ADAM19: variants seen among roughly 807,000 people sequenced by gnomAD.
ADAM19 encodes disintegrin and metalloproteinase domain-containing protein 19.
A neutral mutation model predicts 114.7 loss-of-function variants in ADAM19; 65 were observed. The ratio of observed to expected loss-of-function variants is 0.57; its 90% CI spans 0.46 to 0.70. The LOEUF (loss-of-function observed/expected upper bound fraction) is 0.70, where lower values mean the gene tolerates loss of function less well. Ranked by LOEUF, ADAM19 falls within the 30% of genes least tolerant of loss-of-function variation. ADAM19 has a pLI of 0.00. For missense variants in ADAM19, 1,063 were observed against 1,204.7 expected (o/e 0.88, Z 1.74); for synonymous variants, 466 against 460.5 (o/e 1.01, Z -0.15).
chr5:157,477,485 G>T lies in ADAM19; in HGVS notation c.*3464C>A, dbSNP rs1381546746. On this transcript the variant is annotated 3_prime_UTR_variant, in exon 23 of 23. Coordinates refer to ENST00000257527, the MANE Select transcript of ADAM19 (RefSeq NM_033274.5). ...CCCAAATAAAAAGAAAATTCACATT[G>T]CCCTGGATCCCAGACACATACAAAC... 1 of 1,062,306 alleles carries T rather than the reference G, an allele frequency of 9.4e-7. No homozygotes were observed. Among genetic ancestry groups the T allele is most frequent in the Non-Finnish European group, 1.1e-6 (1 of 870,970 alleles). 65.8% of individuals were successfully genotyped at this position (1,062,306 alleles called of 1,614,324 possible). A position where few individuals can be genotyped will look rare whatever the true frequency, so the allele number is the denominator to read the frequency against.
chr5:157,572,384 A>C, intron 1 of ADAM19: 1 of 406,734 alleles, frequency 2.5e-6, no homozygotes, highest in South Asian at 1.7e-5. Flanking sequence ...ACAAAATGGT[A>C]ATTTCCCGAC....
intron 4 of ADAM19, among the ~76,000 whole-genome samples, chr5:157,534,329 G>A (rs140616573): frequency 0.04 from 6,093 of 152,156 alleles, 166 homozygotes; most frequent in Non-Finnish European, 0.063. Flanking sequence ...TTAGCCAGGC[G>A]TGATGGCGGG....
chr5:157,561,731 C>T (rs1232942252), intron 3 of ADAM19, among the ~76,000 whole-genome samples: 6 of 152,122 alleles, frequency 3.9e-5, no homozygotes, highest in Admixed American at 6.5e-5. Flanking sequence ...CATTCTACCT[C>T]CACACTCCCC....
chr5:157,533,748 T>C (rs1756687385), intron 4 of ADAM19, among the ~76,000 whole-genome samples: 1 of 151,786 alleles, frequency 6.6e-6, no homozygotes, highest in Admixed American at 6.6e-5. Context: ...GGGCGAATCA[T>C]GAGGTCAAGA....
Position 157,546,403 on chromosome 5 carries a change from C to CAG in ADAM19, c.252-8413_252-8412insCT, listed in dbSNP as rs545629008. Among the ~76,000 whole-genome samples, 582 of 152,284 alleles carry CAG rather than the reference C, an allele frequency of 3.8e-3. 3 individuals are homozygous for CAG. Among genetic ancestry groups the CAG allele is most frequent in the African/African-American group, 0.013 (541 of 41,556 alleles). On this transcript the variant is annotated intron_variant, in intron 3 of 22. Transcript: ENST00000257527. ...TAAGGATACTCACTCAACATGGCTGCCCTCCTTCTCCAAACCCATATTCCT... is the reference window on the plus strand; with the variant it reads ...TAAGGATACTCACTCAACATGGCTGCAGCCTCCTTCTCCAAACCCATATTCCT...
chr5:157,494,803 G>A lies in ADAM19; in HGVS notation c.1595-8C>T, dbSNP rs780033408. 6.2e-7 allele frequency: 1 copy of A among 1,611,614 alleles called. No homozygotes were observed. Among genetic ancestry groups the A allele is most frequent in the South Asian group, 1.1e-5 (1 of 90,988 alleles). On this transcript the variant is annotated splice_region_variant and splice_polypyrimidine_tract_variant and intron_variant, in intron 14 of 22. Transcript: ENST00000257527. The stretch of plus-strand genomic sequence containing the variant: ...CAGGGGCAGGTCGGGCTCCTGGGTG[G>A]GCAAGCAACATCTATCAGTATACTC...
At position 157,575,638 on chromosome 5, in the gene ADAM19, A is replaced by G; in HGVS notation, c.59T>C (p.Leu20Pro). The G allele has an allele frequency of 7.0e-7, 1 of 1,430,998 alleles. No individual in the cohort carries two copies. The highest frequency in any genetic ancestry group is 2.9e-5 in the Admixed American group (1 of 34,286). The allele number at this position is 1,430,998 out of a possible 1,614,324, so 88.6% of individuals were successfully genotyped here. Residue 20 changes from leucine to proline, a missense_variant, in exon 1 of 23, where the codon CTC becomes CCC. Physicochemically the swap from Leu to Pro is moderately conservative, Grantham distance 98. This residue lies in a region of ADAM19 where 615 missense variants were observed against 706.3 expected (regional missense o/e 0.87). Coordinates refer to ENST00000257527, the MANE Select transcript of ADAM19 (RefSeq NM_033274.5). ...LCLLAFALQP[L>P]RPRAAREPGW... ...AGGCTCCCGCGCCGCCCGCGGCCGGAGGGGCTGCAGGGCAAACGCCAGCAA... is the reference window on the plus strand; with the variant it reads ...AGGCTCCCGCGCCGCCCGCGGCCGGGGGGGCTGCAGGGCAAACGCCAGCAA...
At chr5:157,505,270 G>A (rs942579636) in intron 11 of ADAM19, among the ~76,000 whole-genome samples, 5 of 151,942 alleles carry the variant, frequency 3.3e-5, no homozygotes, top group South Asian at 2.1e-4. Flanking sequence ...CTGTTACATC[G>A]GAGCTTTCAG....
In ADAM19 at chr5:157,478,664, A is replaced by G; in HGVS notation, c.*2285T>C. 11 of 985,932 alleles carry G rather than the reference A, an allele frequency of 1.1e-5. No homozygotes were observed. Among genetic ancestry groups the G allele is most frequent in the Non-Finnish European group, 1.3e-5 (11 of 829,958 alleles). 61.1% of individuals were successfully genotyped at this position (985,932 alleles called of 1,614,324 possible). A position where few individuals can be genotyped will look rare whatever the true frequency, so the allele number is the denominator to read the frequency against. On this transcript the variant is annotated 3_prime_UTR_variant, in exon 23 of 23. Transcript: ENST00000257527. ...TGAACAGAGCCAGGAGTGAAGCATT[A>G]GTAGAACTGGTTGCCGAAAGTCTAT...
intron 15 of ADAM19, 147 bp from the exon 16 acceptor site, chr5:157,493,324 C>T: frequency 1.3e-6 from 1 of 753,142 alleles, no homozygotes; most frequent in African/African-American, 1.8e-5. Flanking sequence ...GCTTTGGAAC[C>T]CACCAGGAGA....
In ADAM19 at chr5:157,488,257, C is replaced by A; in HGVS notation, c.2550+8G>T. 1.9e-6 allele frequency: 3 copies of A among 1,610,354 alleles called. No individual in the cohort carries two copies. The highest frequency in any genetic ancestry group is 2.5e-6 in the Non-Finnish European group (3 of 1,176,936). On this transcript the variant is annotated splice_region_variant and intron_variant, in intron 21 of 22. Coordinates refer to ENST00000257527, the MANE Select transcript of ADAM19 (RefSeq NM_033274.5). Reference sequence around the variant, plus strand: ...TTCCCAGCCCAAGGTTGCTGATTATCCACTTACCTGGGAAACGATGCAATT... The same window carrying A: ...TTCCCAGCCCAAGGTTGCTGATTATACACTTACCTGGGAAACGATGCAATT...
chr5:157,509,305 T>C lies in ADAM19; in HGVS notation c.901A>G (p.Ile301Val). 1 of 1,606,544 alleles carries C rather than the reference T, an allele frequency of 6.2e-7. No homozygotes were observed. Among genetic ancestry groups the C allele is most frequent in the East Asian group, 2.2e-5 (1 of 44,646 alleles). The change falls in exon 9 of 23, where the codon ATC becomes GTC. Residue 301 changes from isoleucine to valine, a missense_variant. Transcript: ENST00000257527. ...AQKYHDNAQLITGMSFHGTTI... is the reference protein window; with the variant it reads ...AQKYHDNAQLVTGMSFHGTTI... The stretch of plus-strand genomic sequence containing the variant: ...ATATGGAAAAAGGCTATTTACGTGA[T>C]TAATTGGGCGTTGTCATGGTACTTC...
At position 157,507,369 on chromosome 5, in the gene ADAM19, A is replaced by G. The variant is rs557612714; in HGVS notation, c.906-229T>C. 3.3e-5 allele frequency among the ~76,000 whole-genome samples: 5 copies of G among 152,338 alleles called. No homozygotes were observed. In the East Asian group the frequency reaches 9.7e-4, roughly 29 times the overall value. On this transcript the variant is annotated intron_variant, in intron 9 of 22. Transcript: ENST00000257527. ...TGACTCCAGAGGAACACAAAGAGAG[A>G]GAGAAAGGTCGTTTATCTCCCACAA...
In ADAM19 at chr5:157,477,469, A is replaced by G. The variant is rs1754629057; in HGVS notation, c.*3480T>C. 1 of 1,037,780 alleles carries G rather than the reference A, an allele frequency of 9.6e-7. No homozygotes were observed. The allele number at this position is 1,037,780 out of a possible 1,614,324, so 64.3% of individuals were successfully genotyped here. On this transcript the variant is annotated 3_prime_UTR_variant, in exon 23 of 23. Transcript: ENST00000257527. ...TTTCCGTGAACAATCTCCCAAATAA[A>G]AAGAAAATTCACATTGCCCTGGATC...
intron 3 of ADAM19, among the ~76,000 whole-genome samples, chr5:157,543,138 C>A (rs1032911289): frequency 2.6e-5 from 4 of 152,214 alleles, no homozygotes; most frequent in East Asian, 1.9e-4. Context: ...ACACACACAC[C>A]GCCACACAAA....
intron 3 of ADAM19, among the ~76,000 whole-genome samples, chr5:157,551,256 T>A (rs950361047): frequency 4.6e-5 from 7 of 151,436 alleles, no homozygotes; most frequent in African/African-American, 1.7e-4. Flanking sequence ...AAGAAAATAA[T>A]TAGCTGGCGT....
At chr5:157,507,917 G>T (rs1345189361) in intron 9 of ADAM19, among the ~76,000 whole-genome samples, 2 of 152,114 alleles carry the variant, frequency 1.3e-5, no homozygotes, top group African/African-American at 4.8e-5. Flanking sequence ...TCATTATGTG[G>T]TACTTATCTC....
In ADAM19 at chr5:157,480,129, G is replaced by T; in HGVS notation, c.*820C>A. 8 of 986,030 alleles carry T rather than the reference G, an allele frequency of 8.1e-6. No homozygotes were observed. The highest frequency in any genetic ancestry group is 9.6e-6 in the Non-Finnish European group (8 of 830,018). The allele number at this position is 986,030 out of a possible 1,614,324, so 61.1% of individuals were successfully genotyped here. On this transcript the variant is annotated 3_prime_UTR_variant, in exon 23 of 23. Coordinates refer to ENST00000257527, the MANE Select transcript of ADAM19 (RefSeq NM_033274.5). ...TCACCAAAGCACCACACATTAGAGG[G>T]AGAATGAGAGGGGAAGGAAGAGAGA... is the stretch of plus-strand genomic sequence containing the variant.
chr5:157,557,445 G>A (rs970074550), intron 3 of ADAM19, among the ~76,000 whole-genome samples: 16 of 152,234 alleles, frequency 1.1e-4, no homozygotes, highest in African/African-American at 3.6e-4. Flanking sequence ...TTAGACAAGC[G>A]TATCATGAAG....
Sources: allele counts gnomAD v4.1 joint callset (sites outside exome capture counted in the v4.1 genomes callset), GRCh38; gene constraint gnomAD v4.1.1; regional missense constraint gnomAD v4.1.1; transcripts MANE v1.5; gene names NCBI Gene and HGNC (gene_info 2026-07-23, HGNC 2026-07-21).